SYNE2: variants seen among roughly 807,000 people sequenced by gnomAD.
The protein encoded by SYNE2 is spectrin repeat containing nuclear envelope protein 2, also known as nesprin-2.
SYNE2 carries 431 observed loss-of-function variants against 856.3 expected under a neutral mutation model. The ratio of observed to expected loss-of-function variants is 0.50; its 90% CI spans 0.47 to 0.55. The LOEUF is 0.55. Ranked by LOEUF, SYNE2 falls within the 20% of genes least tolerant of loss-of-function variation. SYNE2 has a pLI of 0.00. For synonymous variants in SYNE2, 2,923 were observed against 2,872.3 expected (o/e 1.02, Z -0.56); for missense variants, 8,129 against 8,023.2 (o/e 1.01, Z -0.50).
chr14:64,122,665 T>TAAAC, intron 70 of SYNE2: 1 of 626,542 alleles, frequency 1.6e-6, no homozygotes, highest in South Asian at 1.9e-5. Context: ...GCCTGTTTGT[T>TAAAC]TATAGTCTGT....
Position 64,053,213 on chromosome 14 carries a change from G to T in SYNE2, c.9300G>T (p.Glu3100Asp), listed in dbSNP as rs375011056. The T allele has an allele frequency of 1.3e-5, 21 of 1,613,142 alleles. 1 individual carries two copies. Among genetic ancestry groups the T allele is most frequent in the Middle Eastern group, 3.3e-4 (2 of 6,052 alleles). Reference sequence around the variant, plus strand: ...AGAAAGCCAAGTGTTTATGTGATGAGATAATAAAGAAATTAAATGAAAATA... The same window carrying T: ...AGAAAGCCAAGTGTTTATGTGATGATATAATAAAGAAATTAAATGAAAATA... ...RIEKAKCLCD[E>D]IIKKLNENKT... Residue 3100 changes from glutamate to aspartate, a missense_variant, in exon 48 of 116, where the codon GAG becomes GAT. By Grantham distance (45) the Glu-to-Asp change is conservative. Coordinates refer to ENST00000555002, the MANE Select transcript of SYNE2 (RefSeq NM_182914.3).
At chr14:64,194,368 C>T (rs2098531541) in intron 99 of SYNE2, among the ~76,000 whole-genome samples, 1 of 152,036 alleles carries the variant, frequency 6.6e-6, no homozygotes, top group African/African-American at 2.4e-5. Flanking sequence ...TCACAGCTCA[C>T]TGCAGCCTCT....
Position 64,087,668 on chromosome 14 carries a change from T to C in SYNE2, c.11485-3T>C. On this transcript the variant is annotated splice_region_variant and splice_polypyrimidine_tract_variant and intron_variant, in intron 57 of 115. Coordinates refer to ENST00000555002, the MANE Select transcript of SYNE2 (RefSeq NM_182914.3). ...CTATTTTTCCCATTCTGTGTTTATCTAGATGGCTTTGGAAGATTCAGAACA... is the reference window on the plus strand; with the variant it reads ...CTATTTTTCCCATTCTGTGTTTATCCAGATGGCTTTGGAAGATTCAGAACA... 1 of 1,614,050 alleles carries C rather than the reference T, an allele frequency of 6.2e-7. No homozygotes were observed. Among genetic ancestry groups the C allele is most frequent in the Non-Finnish European group, 8.5e-7 (1 of 1,179,924 alleles).
At chr14:63,859,807 C>CTT (rs1893001543) in intron 1 of SYNE2, among the ~76,000 whole-genome samples, 5 of 152,172 alleles carry the variant, frequency 3.3e-5, no homozygotes, top group African/African-American at 1.2e-4. Flanking sequence ...CAGAGCAAGA[C>CTT]TCTGCCTCGG....
At chr14:63,855,947 T>C (rs764351931) in intron 1 of SYNE2, among the ~76,000 whole-genome samples, 35 of 152,124 alleles carry the variant, frequency 2.3e-4, no homozygotes, top group Non-Finnish European at 4.7e-4. Context: ...AGAAGGCCTC[T>C]AGGTGGAAGT....
chr14:63,975,591 C>CT (rs1215794485), intron 11 of SYNE2, among the ~76,000 whole-genome samples: 1 of 152,200 alleles, frequency 6.6e-6, no homozygotes, highest in African/African-American at 2.4e-5. Context: ...GCCTTGGCTT[C>CT]TTGAGGTGCT....
intron 1 of SYNE2, among the ~76,000 whole-genome samples, chr14:63,818,701 CTT>C (rs142248981): frequency 6.0e-5 from 8 of 133,812 alleles, no homozygotes; most frequent in Admixed American, 8.1e-5. Context: ...TTTTTCTTTT[CTT>C]TTTTTTTTTT....
rs1566917767 is a variant in SYNE2, at chr14:63,961,540, A to T, written c.803A>T (p.Asp268Val). The T allele has an allele frequency of 6.2e-7, 1 of 1,613,724 alleles. No individual in the cohort carries two copies. The highest frequency in any genetic ancestry group is 1.7e-5 in the Admixed American group (1 of 60,006). ...LLEPEDVDVV[D>V]PDEKSIMTYV... ...TATCTTGCAGATGTGGATGTTGTTG[A>T]TCCTGATGAAAAGTCCATCATGACC... is the stretch of plus-strand genomic sequence containing the variant. The change falls in exon 9 of 116, where the codon GAT becomes GTT. Residue 268 changes from aspartate (D) to valine (V), a missense_variant. This residue lies in a region of SYNE2 where 2,422 missense variants were observed against 2,357.4 expected (regional missense o/e 1.03). Transcript: ENST00000555002.
Position 63,990,450 on chromosome 14 carries a change from G to C in SYNE2, c.2353G>C (p.Ala785Pro). 2 of 1,613,444 alleles carry C rather than the reference G, an allele frequency of 1.2e-6. No individual in the cohort carries two copies. The highest frequency in any genetic ancestry group is 1.7e-6 in the Non-Finnish European group (2 of 1,179,916). ...AKGSMFDELMARSEDMLQMDI... is the reference protein window; with the variant it reads ...AKGSMFDELMPRSEDMLQMDI... ...AGGCTCTATGTTTGATGAGCTTATG[G>C]CAAGAAGTGAAGATATGTTACAAAT... The change falls in exon 20 of 116, where the codon GCA (alanine) becomes CCA (proline). Residue 785 changes from alanine (A) to proline (P), a missense_variant. Transcript: ENST00000555002.
intron 84 of SYNE2, among the ~76,000 whole-genome samples, chr14:64,147,169 AC>A (rs2098195010): frequency 6.6e-6 from 1 of 151,932 alleles, no homozygotes; most frequent in African/African-American, 2.4e-5. Flanking sequence ...GTCGCTACAT[AC>A]AGTTTCTCAT....
rs1275760839 is a variant in SYNE2 at position 64,126,609 on chromosome 14, T to C, written c.13719T>C (p.Leu4573=). The C allele has an allele frequency of 2.1e-5, 34 of 1,614,120 alleles. No homozygotes were observed. Among genetic ancestry groups the C allele is most frequent in the Non-Finnish European group, 2.9e-5 (34 of 1,180,046 alleles). ...GQQVHYETLA[L]ELKKLYLALS... is the part of the protein sequence containing the mutation. ...CCTCTCCACTCCAGACGCTGGCTCT[T>C]GAGTTGAAGAAACTTTATTTAGCGC... Residue 4573 remains leucine (L), a synonymous_variant, in exon 73 of 116, where the codon CTT becomes CTC. Coordinates refer to ENST00000555002, the MANE Select transcript of SYNE2 (RefSeq NM_182914.3).
intron 99 of SYNE2, among the ~76,000 whole-genome samples, chr14:64,192,833 C>T (rs186733671): frequency 6.6e-5 from 10 of 152,258 alleles, no homozygotes; most frequent in East Asian, 3.9e-4. Flanking sequence ...ATGAGCAGTA[C>T]GTGCTGAGTG....
chr14:63,765,101 C>T (rs1028521028), intron 1 of SYNE2, among the ~76,000 whole-genome samples: 3 of 152,010 alleles, frequency 2.0e-5, no homozygotes, highest in East Asian at 1.9e-4. Flanking sequence ...TCTAAGGGTA[C>T]GGGAGAGAGG....
At chr14:63,944,528 T>TTG (rs2095987837) in intron 6 of SYNE2, among the ~76,000 whole-genome samples, 1 of 141,044 alleles carries the variant, frequency 7.1e-6, no homozygotes, top group African/African-American at 2.6e-5. Flanking sequence ...TTTTTTTTTT[T>TTG]TTTTTTTTTT....
At chr14:64,186,162 G>A (rs1440568533) in intron 96 of SYNE2, among the ~76,000 whole-genome samples, 1 of 152,128 alleles carries the variant, frequency 6.6e-6, no homozygotes, top group East Asian at 1.9e-4. Context: ...CTTTAAAATA[G>A]AATAAATTCT....
At chr14:63,888,939 C>T (rs892202958) in intron 1 of SYNE2, among the ~76,000 whole-genome samples, 5 of 151,710 alleles carry the variant, frequency 3.3e-5, no homozygotes, top group African/African-American at 7.3e-5. Flanking sequence ...CGGTGGCACA[C>T]GCCTGTAATC....
intron 49 of SYNE2, 38 bp downstream of exon 49, chr14:64,056,304 A>G: frequency 6.5e-7 from 1 of 1,546,760 alleles, no homozygotes; most frequent in Non-Finnish European, 8.9e-7. Context: ...AAGAACATAA[A>G]ATATTGTTTC....
At position 64,025,012 on chromosome 14, in the gene SYNE2, C is replaced by T. The variant is rs768233928; in HGVS notation, c.5941C>T (p.Gln1981Ter). Residue 1981 changes from glutamine to a stop codon, truncating the protein, a stop_gained, in exon 40 of 116, where the codon CAA (glutamine) becomes TAA (stop). Transcript: ENST00000555002. LOFTEE classifies it high-confidence loss of function. ...EPGEKTELFC[Q>*]ALARKREQFE... ...AGGGGAGAAAACTGAGCTGTTCTGC[C>T]AAGCTTTAGCTAGAAAGAGGTATAG... The T allele has an allele frequency of 6.2e-7, 1 of 1,613,942 alleles. No individual in the cohort carries two copies. Among genetic ancestry groups the T allele is most frequent in the Non-Finnish European group, 8.5e-7 (1 of 1,179,948 alleles).
chr14:63,955,431 A>G (rs2096229555), intron 8 of SYNE2, among the ~76,000 whole-genome samples: 2 of 152,230 alleles, frequency 1.3e-5, no homozygotes, highest in East Asian at 1.9e-4. Flanking sequence ...AGAGATCATC[A>G]TCAAATTATA....
Sources: allele counts gnomAD v4.1 joint callset (sites outside exome capture counted in the v4.1 genomes callset), GRCh38; gene constraint gnomAD v4.1.1; regional missense constraint gnomAD v4.1.1; transcripts MANE v1.5; gene names NCBI Gene and HGNC (gene_info 2026-07-23, HGNC 2026-07-21).